PRELID2: variants seen among roughly 807,000 people sequenced by gnomAD.
The protein encoded by PRELID2 is PRELI domain-containing protein 2.
PRELID2 carries 25 observed loss-of-function variants against 28.4 expected under a neutral mutation model. That is an observed-to-expected ratio of 0.88 (90% CI 0.64 to 1.23). The LOEUF (loss-of-function observed/expected upper bound fraction) is 1.23, where lower values mean the gene tolerates loss of function less well. PRELID2 is among the 50% of genes most tolerant of loss of function. The pLI is 0.00. For synonymous variants in PRELID2, 76 were observed against 71.6 expected (o/e 1.06, Z -0.31); for missense variants, 201 against 214.4 (o/e 0.94, Z 0.39).
the PRELID2 span, among the ~76,000 whole-genome samples, chr5:145,314,217 G>A: frequency 1.3e-5 from 2 of 152,158 alleles, no homozygotes; most frequent in Non-Finnish European, 2.9e-5. Context: ...CTGAAGCCCA[G>A]GTATGATTCC....
At chr5:145,480,755 TAA>T in intron 1 of PRELID2, among the ~76,000 whole-genome samples, 1 of 152,114 alleles carries the variant, frequency 6.6e-6, no homozygotes, top group Non-Finnish European at 1.5e-5. Flanking sequence ...ATTTAAAAAA[TAA>T]AAAAGAGGAA....
chr5:145,553,206 A>T (rs1383167019), intron 1 of PRELID2, among the ~76,000 whole-genome samples: 1 of 136,362 alleles, frequency 7.3e-6, no homozygotes, highest in Admixed American at 7.3e-5. Flanking sequence ...AAAAAAAGGG[A>T]GCTGTTAATT....
chr5:145,521,370 G>C (rs4913033), intron 1 of PRELID2, among the ~76,000 whole-genome samples: 28,543 of 152,094 alleles, frequency 0.19, 3,032 homozygotes, highest in South Asian at 0.37. Context: ...TCAAATTCCT[G>C]CAGGGGCCTG....
chr5:145,624,186 C>G (rs1034434200), intron 1 of PRELID2, among the ~76,000 whole-genome samples: 2 of 152,194 alleles, frequency 1.3e-5, no homozygotes, highest in African/African-American at 2.4e-5. Flanking sequence ...ATACCACCTT[C>G]CCAGAACCTT....
intron 1 of PRELID2, among the ~76,000 whole-genome samples, chr5:145,580,830 T>C (rs553258028): frequency 6.6e-6 from 1 of 152,172 alleles, no homozygotes; most frequent in African/African-American, 2.4e-5. Flanking sequence ...TGAACTTGAA[T>C]TACTGGAGCT....
chr5:145,669,991 T>C (rs1754674250), intron 1 of PRELID2, among the ~76,000 whole-genome samples: 1 of 152,186 alleles, frequency 6.6e-6, no homozygotes, highest in South Asian at 2.1e-4. Flanking sequence ...ACCAGTTTCA[T>C]TTTCTATTTA....
intron 4 of PRELID2, among the ~76,000 whole-genome samples, chr5:145,808,140 G>A (rs1753654582): frequency 6.6e-6 from 1 of 152,064 alleles, no homozygotes; most frequent in Non-Finnish European, 1.5e-5. Flanking sequence ...GTCATGTTTT[G>A]GGACGAATAC....
At chr5:145,433,671 A>G in the PRELID2 span, among the ~76,000 whole-genome samples, 2 of 151,212 alleles carry the variant, frequency 1.3e-5, no homozygotes, top group Non-Finnish European at 1.5e-5. Flanking sequence ...TCCTCTTCCA[A>G]CTCCCGAGAC....
At chr5:145,538,210 C>T (rs1752718341) in intron 1 of PRELID2, among the ~76,000 whole-genome samples, 1 of 151,618 alleles carries the variant, frequency 6.6e-6, no homozygotes, top group Non-Finnish European at 1.5e-5. Context: ...TCCTTATGTC[C>T]TTTTTTATGC....
chr5:145,336,019 G>C, the PRELID2 span, among the ~76,000 whole-genome samples: 2 of 152,186 alleles, frequency 1.3e-5, no homozygotes, highest in African/African-American at 4.8e-5. Context: ...TTCTCTGATG[G>C]CCAGTGATGG....
intron 1 of PRELID2, among the ~76,000 whole-genome samples, chr5:145,635,174 G>T (rs1753983338): frequency 6.6e-6 from 1 of 152,174 alleles, no homozygotes; most frequent in Non-Finnish European, 1.5e-5. Context: ...TTAGCACTTT[G>T]GGGTTTTTGT....
chr5:145,505,743 A>C (rs1752405354), intron 1 of PRELID2, among the ~76,000 whole-genome samples: 1 of 152,210 alleles, frequency 6.6e-6, no homozygotes, highest in South Asian at 2.1e-4. Context: ...AGATGTGGAA[A>C]AGCATAAATT....
chr5:145,556,332 C>T lies in PRELID2; in HGVS notation n.71-83017G>A, dbSNP rs992101805. ...GTGCAATTCCATTCTTCTTCCCTAT[C>T]GCAGTAAAAGGGAATCACTTTCTGG... is the stretch of plus-strand genomic sequence containing the variant. On this transcript the variant is annotated intron_variant and non_coding_transcript_variant, in intron 1 of 2. Transcript: ENST00000510259. Among the ~76,000 whole-genome samples, 50 of 152,200 alleles carry T rather than the reference C, an allele frequency of 3.3e-4. 1 individual carries two copies. The highest frequency in any genetic ancestry group is 9.2e-4 in the African/African-American group (38 of 41,530).
chr5:145,349,250 T>A, the PRELID2 span, among the ~76,000 whole-genome samples: 1 of 152,202 alleles, frequency 6.6e-6, no homozygotes. Context: ...ACCCCCTTTT[T>A]GAAATGTAAG....
intron 1 of PRELID2, among the ~76,000 whole-genome samples, chr5:145,721,457 A>C (rs923922478): frequency 2.0e-4 from 30 of 152,158 alleles, no homozygotes; most frequent in Admixed American, 6.6e-5. Context: ...TTATCACTAA[A>C]TACCTAATCC....
chr5:145,740,277 T>C (rs1162883553), intron 1 of PRELID2, among the ~76,000 whole-genome samples: 127 of 46,196 alleles, frequency 2.7e-3, no homozygotes, highest in Non-Finnish European at 3.7e-3. Context: ...TATATATATA[T>C]ATATATATAT....
the PRELID2 span, among the ~76,000 whole-genome samples, chr5:145,250,326 A>T: frequency 6.6e-6 from 1 of 152,160 alleles, no homozygotes; most frequent in Non-Finnish European, 1.5e-5. Context: ...AGTCAGCAAT[A>T]CATTAAACAT....
chr5:145,319,858 T>C, the PRELID2 span, among the ~76,000 whole-genome samples: 1 of 152,126 alleles, frequency 6.6e-6, no homozygotes, highest in Non-Finnish European at 1.5e-5. Flanking sequence ...ATATAAAGCA[T>C]CTCAACTTTT....
intron 1 of PRELID2, among the ~76,000 whole-genome samples, chr5:145,556,114 G>A (rs1752877545): frequency 6.7e-6 from 1 of 148,178 alleles, no homozygotes; most frequent in African/African-American, 2.5e-5. Context: ...GGAGGCGGAA[G>A]TTGCAGTGAG....
Sources: gnomAD v4.1 joint callset for allele counts (sites outside exome capture counted in the v4.1 genomes callset) on GRCh38, gnomAD v4.1.1 for gene constraint, MANE v1.5 for transcripts, NCBI Gene and HGNC (gene_info 2026-07-23, HGNC 2026-07-21) for gene names.